The following PPFIBP2 variants were observed in gnomAD, a reference collection of about 807,000 sequenced individuals.
PPFIBP2 encodes the protein liprin-beta-2.
Under a neutral mutation model 118.3 loss-of-function variants are expected in PPFIBP2, and 118 were observed. That is an observed-to-expected ratio of 1.00 (90% confidence interval 0.86 to 1.16). PPFIBP2 has a LOEUF of 1.16. Ranked by LOEUF, PPFIBP2 falls within the 50% of genes most tolerant of loss-of-function variation. The pLI is 0.00. For missense variants in PPFIBP2, 1,195 were observed against 1,073.1 expected, an observed-to-expected ratio of 1.11 and a Z score of -1.59; for synonymous variants, 414 against 397.4, an observed-to-expected ratio of 1.04 and a Z score of -0.50.
the PPFIBP2 span, among the ~76,000 whole-genome samples, chr11:7,663,921 C>T: frequency 6.6e-6 from 1 of 152,178 alleles, no homozygotes; most frequent in Admixed American, 6.5e-5. Flanking sequence ...CCAGGTGCGT[C>T]CGTCACCCCT....
At chr11:7,632,821 C>T (rs1433410721) in intron 11 of PPFIBP2, 46 bp from the exon 12 acceptor site, 1 of 1,501,536 alleles carries the variant, frequency 6.7e-7, no homozygotes, top group South Asian at 1.1e-5. Flanking sequence ...GTGGGTGGTC[C>T]CCAAACAGAC....
At chr11:7,590,057 G>A (rs1858962590) in intron 3 of PPFIBP2, among the ~76,000 whole-genome samples, 1 of 152,176 alleles carries the variant, frequency 6.6e-6, no homozygotes, top group Admixed American at 6.5e-5. Flanking sequence ...CCTGTTGCCA[G>A]GTTATAAGAA....
the PPFIBP2 span, among the ~76,000 whole-genome samples, chr11:7,662,345 G>A: frequency 3.3e-5 from 5 of 152,106 alleles, no homozygotes; most frequent in Non-Finnish European, 5.9e-5. Context: ...CAGGCCTAGT[G>A]GTGACAAAAT....
chr11:7,555,754 G>A (rs978347215), intron 2 of PPFIBP2, among the ~76,000 whole-genome samples: 2 of 152,138 alleles, frequency 1.3e-5, no homozygotes, highest in African/African-American at 2.4e-5. Flanking sequence ...CTCACTGGTA[G>A]ACCCCATCTC....
At chr11:7,663,655 T>C in the PPFIBP2 span, among the ~76,000 whole-genome samples, 3 of 152,374 alleles carry the variant, frequency 2.0e-5, no homozygotes, top group African/African-American at 4.8e-5. Context: ...GCAGGCCTCC[T>C]TGAGCTGTGG....
At chr11:7,609,392 C>T (rs1209195510) in intron 5 of PPFIBP2, among the ~76,000 whole-genome samples, 2 of 152,224 alleles carry the variant, frequency 1.3e-5, no homozygotes, top group Admixed American at 6.5e-5. Flanking sequence ...TACCATGTGC[C>T]GGGATTTTGG....
intron 1 of PPFIBP2, among the ~76,000 whole-genome samples, chr11:7,524,889 A>G (rs1850087926): frequency 6.6e-6 from 1 of 152,208 alleles, no homozygotes; most frequent in South Asian, 2.1e-4. Flanking sequence ...ACTGGATGTC[A>G]TGAAAAAGTT....
chr11:7,624,709 T>C (rs1017055120), intron 7 of PPFIBP2, among the ~76,000 whole-genome samples: 1 of 152,220 alleles, frequency 6.6e-6, no homozygotes, highest in Non-Finnish European at 1.5e-5. Context: ...AAGAAAAGAA[T>C]AGGATGAGAG....
At chr11:7,565,478 A>T in intron 2 of PPFIBP2, 75 bp from the exon 3 acceptor site, 1 of 1,476,290 alleles carries the variant, frequency 6.8e-7, no homozygotes, top group South Asian at 1.2e-5. Context: ...TTTCTTCACC[A>T]CCTTTGCTCT....
At chr11:7,529,152 G>C (rs748747179) in intron 1 of PPFIBP2, among the ~76,000 whole-genome samples, 9 of 152,152 alleles carry the variant, frequency 5.9e-5, no homozygotes, top group Non-Finnish European at 1.2e-4. Context: ...GTTAACAGGA[G>C]ACAATGTGGG....
intron 2 of PPFIBP2, among the ~76,000 whole-genome samples, chr11:7,550,278 G>A (rs1373666527): frequency 6.6e-6 from 1 of 152,228 alleles, no homozygotes; most frequent in Non-Finnish European, 1.5e-5. Flanking sequence ...TAGATTGGAT[G>A]TGCTTCTTTG....
chr11:7,641,041 C>T (rs888457123), intron 15 of PPFIBP2: 20 of 1,283,644 alleles, frequency 1.6e-5, no homozygotes, highest in African/African-American at 1.1e-4. Flanking sequence ...AGATCGTGGC[C>T]GGAGTGTCAG....
chr11:7,606,143 G>T, intron 5 of PPFIBP2: 1 of 1,124,220 alleles, frequency 8.9e-7, no homozygotes, highest in Non-Finnish European at 1.2e-6. Flanking sequence ...AGATGGTCGG[G>T]GGGCAAAATA....
chr11:7,639,715 C>T lies in PPFIBP2; in HGVS notation c.1237-17C>T, dbSNP rs1432424761. On this transcript the variant is annotated splice_polypyrimidine_tract_variant and intron_variant, in intron 14 of 23. Transcript: ENST00000299492. The stretch of plus-strand genomic sequence containing the variant: ...CAGTTAAGTCGGTATCTCTCTCTTT[C>T]TCTCACCTTCCAATAGGACAGCCCT... The T allele has an allele frequency of 1.2e-5, 19 of 1,613,716 alleles. No homozygotes were observed. Among genetic ancestry groups the T allele is most frequent in the Non-Finnish European group, 1.5e-5 (18 of 1,179,862 alleles).
chr11:7,558,767 GAA>G (rs1853955317), intron 2 of PPFIBP2, among the ~76,000 whole-genome samples: 4 of 150,794 alleles, frequency 2.7e-5, no homozygotes, highest in African/African-American at 4.9e-5. Flanking sequence ...AAAAAAAAAA[GAA>G]AGAAAAAAAG....
chr11:7,577,255 G>A (rs1856475176), intron 3 of PPFIBP2: 2 of 188,004 alleles, frequency 1.1e-5, no homozygotes, highest in South Asian at 1.9e-4. Flanking sequence ...CTACCTTTGT[G>A]TGACATTTGA....
intron 5 of PPFIBP2, among the ~76,000 whole-genome samples, chr11:7,600,929 T>G (rs1377980195): frequency 6.6e-6 from 1 of 152,204 alleles, no homozygotes; most frequent in Non-Finnish European, 1.5e-5. Flanking sequence ...TACATACCTA[T>G]AGGTCAAGCC....
At chr11:7,549,845 A>T (rs1852768710) in intron 2 of PPFIBP2, among the ~76,000 whole-genome samples, 2 of 152,170 alleles carry the variant, frequency 1.3e-5, no homozygotes, top group African/African-American at 4.8e-5. Flanking sequence ...ATTCTAATGT[A>T]AAATTTTCAG....
At chr11:7,604,040 C>A (rs866714412) in intron 5 of PPFIBP2, among the ~76,000 whole-genome samples, 9 of 152,122 alleles carry the variant, frequency 5.9e-5, no homozygotes, top group African/African-American at 2.2e-4. Flanking sequence ...GGTCAGGAAG[C>A]CTTCAGCAGG....
Sources: gnomAD v4.1 joint callset for allele counts (sites outside exome capture counted in the v4.1 genomes callset) on GRCh38, gnomAD v4.1.1 for gene constraint, MANE v1.5 for transcripts, NCBI Gene and HGNC (gene_info 2026-07-23, HGNC 2026-07-21) for gene names.